The following IKZF1 variants were observed in gnomAD, a reference collection of about 807,000 sequenced individuals.
IKZF1 encodes IKAROS family zinc finger 1.
A neutral mutation model predicts 51.7 loss-of-function variants in IKZF1; 10 were observed. The observed-to-expected ratio is 0.19, with a 90% CI of 0.12 to 0.33. The LOEUF is 0.33. Among genes scored for constraint, IKZF1 ranks in the 10% least tolerant of loss-of-function variants. The pLI, the probability that IKZF1 is intolerant of heterozygous loss-of-function variation, is 1.00. For missense variants in IKZF1, 484 were observed against 707.5 expected (o/e 0.68, Z 3.58); for synonymous variants, 280 against 282.3 (o/e 0.99, Z 0.08).
intron 1 of IKZF1, among the ~76,000 whole-genome samples, chr7:50,313,999 T>C (rs1790840032): frequency 6.6e-6 from 1 of 152,230 alleles, no homozygotes; most frequent in Non-Finnish European, 1.5e-5. Context: ...ATATGAAATA[T>C]CACTGGACAA....
At chr7:50,320,492 A>C (rs1792906542) in intron 2 of IKZF1, among the ~76,000 whole-genome samples, 1 of 152,200 alleles carries the variant, frequency 6.6e-6, no homozygotes, top group African/African-American at 2.4e-5. Flanking sequence ...TGTTGACTAC[A>C]GTCATCCTGC....
intron 3 of IKZF1, chr7:50,328,283 T>TA (rs1795596008): frequency 6.6e-6 from 1 of 152,282 alleles, no homozygotes; most frequent in African/African-American, 2.4e-5. Flanking sequence ...ACCTTTTCCA[T>TA]AAAAAAGTGT....
intron 3 of IKZF1, among the ~76,000 whole-genome samples, chr7:50,361,579 A>G (rs921158898): frequency 6.6e-6 from 1 of 152,164 alleles, no homozygotes; most frequent in African/African-American, 2.4e-5. Context: ...CAAAACAATC[A>G]TTTAAAAGCT....
At chr7:50,330,063 T>A (rs925531255) in intron 3 of IKZF1, among the ~76,000 whole-genome samples, 1 of 152,132 alleles carries the variant, frequency 6.6e-6, no homozygotes, top group Non-Finnish European at 1.5e-5. Flanking sequence ...TACTGATGGG[T>A]TCCCAGAGCT....
At chr7:50,397,964 C>G (rs754101804) in intron 7 of IKZF1, among the ~76,000 whole-genome samples, 3 of 152,166 alleles carry the variant, frequency 2.0e-5, no homozygotes, top group African/African-American at 2.4e-5. Flanking sequence ...CAAAATAAGA[C>G]ATGAAACTCA....
At chr7:50,394,150 G>C (rs1188160750) in intron 7 of IKZF1, 1 of 232,684 alleles carries the variant, frequency 4.3e-6, no homozygotes, top group Non-Finnish European at 8.5e-6. Context: ...AGGGGACATA[G>C]TAGGAACAGT....
chr7:50,400,054 G>C lies in IKZF1; in HGVS notation c.987G>C (p.Pro329=). The C allele has an allele frequency of 2.5e-6, 4 of 1,606,704 alleles. No homozygotes were observed. The highest frequency in any genetic ancestry group is 3.4e-6 in the Non-Finnish European group (4 of 1,177,148). ...INYLGAESLR[P]LVQTPPGGSE... ...ACCTGGGGGCCGAGTCCCTGCGCCC[G>C]CTGGTGCAGACGCCCCCGGGCGGTT... Residue 329 remains proline (P), a synonymous_variant, in exon 8 of 8, where the codon CCG becomes CCC. Transcript: ENST00000331340. This position sits in a 1 kb window ranked among gnomAD's most constrained non-coding sequence, Gnocchi z 5.4.
intron 6 of IKZF1, among the ~76,000 whole-genome samples, chr7:50,389,306 A>G (rs912396881): frequency 2.0e-5 from 3 of 152,244 alleles, no homozygotes; most frequent in South Asian, 2.1e-4. Flanking sequence ...TGTTTAGGTC[A>G]CTGACATACT....
At chr7:50,325,672 G>A (rs539591370) in intron 2 of IKZF1, among the ~76,000 whole-genome samples, 5 of 152,180 alleles carry the variant, frequency 3.3e-5, no homozygotes, top group Non-Finnish European at 7.4e-5. Context: ...CTACTCGGGA[G>A]GCTGAGACAG....
chr7:50,382,002 G>C (rs1051398196), intron 4 of IKZF1, among the ~76,000 whole-genome samples: 2 of 152,188 alleles, frequency 1.3e-5, no homozygotes, highest in African/African-American at 2.4e-5. Context: ...GGAAAATACA[G>C]GGAAAATGTA....
At chr7:50,396,059 T>C (rs78150353) in intron 7 of IKZF1, among the ~76,000 whole-genome samples, 2,664 of 152,302 alleles carry the variant, frequency 0.017, 39 homozygotes, top group East Asian at 0.04. Context: ...GGTCTATTCA[T>C]TCGGAATAAA....
At chr7:50,373,791 C>T (rs1809425743) in intron 3 of IKZF1, among the ~76,000 whole-genome samples, 1 of 152,214 alleles carries the variant, frequency 6.6e-6, no homozygotes, top group African/African-American at 2.4e-5. Context: ...TGCACAGCCT[C>T]TACCTGAGAG....
rs200442218 is a variant in IKZF1 at position 50,382,649 on chromosome 7, C to A, written c.531C>A (p.Leu177=). ...GGGAGAAGCCCTTCAAATGCCACCT[C>A]TGCAACTACGCCTGCCGCCGGAGGG... The part of the protein sequence containing the change: ...HSGEKPFKCH[L]CNYACRRRDA... Residue 177 remains leucine (L), a synonymous_variant, in exon 5 of 8, where the codon CTC becomes CTA. Coordinates refer to ENST00000331340, the MANE Select transcript of IKZF1 (RefSeq NM_006060.6). 4.3e-5 allele frequency: 69 copies of A among 1,613,032 alleles called. No individual in the cohort carries two copies. The highest frequency in any genetic ancestry group is 5.6e-5 in the Non-Finnish European group (66 of 1,179,884).
At chr7:50,342,780 G>A (rs1412237149) in intron 3 of IKZF1, among the ~76,000 whole-genome samples, 3 of 151,992 alleles carry the variant, frequency 2.0e-5, no homozygotes, top group African/African-American at 4.8e-5. Context: ...AATCTGCTCC[G>A]CAGTGTGCAG....
At chr7:50,385,800 T>C (rs1368977005) in intron 5 of IKZF1, among the ~76,000 whole-genome samples, 2 of 152,256 alleles carry the variant, frequency 1.3e-5, no homozygotes, top group African/African-American at 2.4e-5. Flanking sequence ...CTCAATAAAA[T>C]GTGCAATTTT....
rs1006109601 is a variant in IKZF1, at chr7:50,394,474, C to G, written c.850+2611C>G. On this transcript the variant is annotated intron_variant, in intron 7 of 7. Coordinates refer to ENST00000331340, the MANE Select transcript of IKZF1 (RefSeq NM_006060.6). Reference sequence around the variant, plus strand: ...CACACAAGCTGGCCCAATAGTGGTTCAGTTGAGAGAGCCCCATCCTTCAGA... The same window carrying G: ...CACACAAGCTGGCCCAATAGTGGTTGAGTTGAGAGAGCCCCATCCTTCAGA... 4.3e-5 allele frequency: 10 copies of G among 233,152 alleles called. No individual in the cohort carries two copies. In the Admixed American group the frequency reaches 4.5e-4, roughly 11 times the overall value. The allele number at this position is 233,152 out of a possible 1,614,324, so 14.4% of individuals were successfully genotyped here. A position where few individuals can be genotyped will look rare whatever the true frequency, so the allele number is the denominator to read the frequency against.
chr7:50,334,505 ATGTG>A (rs1217109676), intron 3 of IKZF1, among the ~76,000 whole-genome samples: 3 of 151,234 alleles, frequency 2.0e-5, no homozygotes, highest in African/African-American at 7.3e-5. Context: ...GTGTGCATGT[ATGTG>A]TGTGGTGTGT....
rs116048049 is a variant in IKZF1, at chr7:50,393,940, C to T, written c.850+2077C>T. ...CCTGGAGAATGCTTTGGTGAATGAA[C>T]GTTTGCAGCCCCTTTTAGCTTTTGG... is the stretch of plus-strand genomic sequence containing the variant. On this transcript the variant is annotated intron_variant, in intron 7 of 7. Coordinates refer to ENST00000331340, the MANE Select transcript of IKZF1 (RefSeq NM_006060.6). 5.0e-3 allele frequency: 1,162 copies of T among 232,606 alleles called. 5 individuals are homozygous for T. Among genetic ancestry groups the T allele is most frequent in the African/African-American group, 0.016 (740 of 45,412 alleles). 14.4% of individuals were successfully genotyped at this position (232,606 alleles called of 1,614,324 possible).
rs1584955872 is a variant in IKZF1, at chr7:50,387,527, A to C, written c.715+57A>C. The C allele has an allele frequency of 1.5e-5, 23 of 1,546,310 alleles. No homozygotes were observed. In the East Asian group the frequency reaches 5.4e-4, roughly 37 times the overall value. ...GGGCTCTCCCCCCAGCACGGTGGGG[A>C]AGGAGGGCGCTCTGCATGCAGCCTT... is the stretch of plus-strand genomic sequence containing the variant. On this transcript the variant is annotated intron_variant, in intron 6 of 7. Transcript: ENST00000331340.
Sources: allele counts gnomAD v4.1 joint callset (sites outside exome capture counted in the v4.1 genomes callset), GRCh38; gene constraint gnomAD v4.1.1; non-coding constraint Gnocchi (gnomAD v3.1); transcripts MANE v1.5; gene names NCBI Gene and HGNC (gene_info 2026-07-23, HGNC 2026-07-21).